Variants in NR3C1 observed in about 807,000 individuals in gnomAD.
NR3C1 encodes the protein nuclear receptor subfamily 3 group C member 1, also known as glucocorticoid receptor.
In NR3C1, 14 loss-of-function variants were observed where a neutral mutation model predicts 74.0. The ratio of observed to expected loss-of-function variants is 0.19; its 90% CI spans 0.12 to 0.30. NR3C1 has a LOEUF of 0.30. NR3C1 is among the 10% of genes least tolerant of loss of function. The probability of loss-of-function intolerance (pLI) is 1.00; values close to 1 mark genes in which losing one functional copy is unlikely to be tolerated. For synonymous variants in NR3C1, 308 were observed against 332.5 expected (o/e 0.93, Z 0.80); for missense variants, 695 against 909.8 (o/e 0.76, Z 3.04).
rs1840032357 is a variant in NR3C1 at position 143,400,340 on chromosome 5, T to C, written c.500A>G (p.Gln167Arg). The change falls in exon 2 of 9, where the codon CAG (glutamine) becomes CGG (arginine). Residue 167 changes from glutamine (Q) to arginine (R), a missense_variant. By Grantham distance (43) the Gln-to-Arg change is conservative (BLOSUM62 1). Transcript: ENST00000394464. ...GCCAGTCTGGCCCTTCAAATGTTGC[T>C]GTTCTGAAGATACATCAGAGTGAGT... is the stretch of plus-strand genomic sequence containing the variant. ...PKTHSDVSSE[Q>R]QHLKGQTGTN... is the part of the protein sequence containing the mutation. The C allele has an allele frequency of 6.2e-7, 1 of 1,613,698 alleles. No homozygotes were observed. The highest frequency in any genetic ancestry group is 8.5e-7 in the Non-Finnish European group (1 of 1,179,738).
rs1445952313 is a variant in NR3C1 at position 143,281,998 on chromosome 5, T to A, written c.2225A>T (p.Asp742Val). The change falls in exon 9 of 9, where the codon GAT becomes GTT. Residue 742 changes from aspartate to valine, a missense_variant. Asp to Val is a radical substitution (Grantham distance 152). This residue lies in a region of NR3C1 where 133 missense variants were observed against 287.9 expected (regional missense o/e 0.46). Transcript: ENST00000394464. ...LLNYCFQTFL[D>V]KTMSIEFPEM... ...GGGGAATTCAATACTCATGGTCTTATCCAAAAATGTTTGGAAGCAATAGTT... is the reference window on the plus strand; with the variant it reads ...GGGGAATTCAATACTCATGGTCTTAACCAAAAATGTTTGGAAGCAATAGTT... The A allele has an allele frequency of 6.2e-7, 1 of 1,613,712 alleles. No homozygotes were observed. Among genetic ancestry groups the A allele is most frequent in the Non-Finnish European group, 8.5e-7 (1 of 1,179,790 alleles).
chr5:143,308,020 T>C (rs1461438113), intron 4 of NR3C1, among the ~76,000 whole-genome samples: 1 of 152,200 alleles, frequency 6.6e-6, no homozygotes, highest in Non-Finnish European at 1.5e-5. Context: ...TAAGTTTAAA[T>C]AGCCTGGTCA....
In NR3C1 at chr5:143,300,763, G is replaced by C; in HGVS notation, c.1469C>G (p.Ala490Gly). Residue 490 changes from alanine to glycine, a missense_variant and splice_region_variant, in exon 5 of 9, where the codon GCT becomes GGT. Transcript: ENST00000394464. The surrounding 1 kb of genome is among the most constrained non-coding windows in gnomAD (Gnocchi z 5.2). The stretch of plus-strand genomic sequence containing the variant: ...TTTTATTTTTTTCTTTGTTTTTCGA[G>C]CTGTGGGTATTTAAACAAATACATA... ...KCLQAGMNLE[A>G]RKTKKKIKGI... 1.2e-6 allele frequency: 2 copies of C among 1,613,322 alleles called. No individual in the cohort carries two copies. Among genetic ancestry groups the C allele is most frequent in the Non-Finnish European group, 1.7e-6 (2 of 1,179,630 alleles).
rs139923658 is a variant in NR3C1, at chr5:143,344,524, G to A, written c.1185-30356C>T. Among the ~76,000 whole-genome samples, 243 of 152,222 alleles carry A rather than the reference G, an allele frequency of 1.6e-3. 1 individual carries two copies. The highest frequency in any genetic ancestry group is 5.7e-3 in the African/African-American group (237 of 41,536). On this transcript the variant is annotated intron_variant, in intron 2 of 8. Transcript: ENST00000394464. ...TCACACAACTAGAAAATAGCCATAC[G>A]GCAGGTCTTTGAATAATGTTTTGTT... is the stretch of plus-strand genomic sequence containing the variant.
At chr5:143,432,273 G>A (rs969128838) in intron 1 of NR3C1, among the ~76,000 whole-genome samples, 1 of 152,210 alleles carries the variant, frequency 6.6e-6, no homozygotes, top group Non-Finnish European at 1.5e-5. Flanking sequence ...TAATGCGCTA[G>A]GTTAAAAGTG....
chr5:143,340,847 TGGG>T (rs1173947725), intron 2 of NR3C1, among the ~76,000 whole-genome samples: 1 of 152,134 alleles, frequency 6.6e-6, no homozygotes, highest in African/African-American at 2.4e-5. Context: ...CTTTTAGGCT[TGGG>T]GATACATGTG....
intron 2 of NR3C1, among the ~76,000 whole-genome samples, chr5:143,327,749 A>T (rs1031256989): frequency 2.0e-5 from 3 of 152,224 alleles, no homozygotes; most frequent in African/African-American, 7.2e-5. Flanking sequence ...CTTTGACTCC[A>T]TGTCTCACAT....
chr5:143,400,046 AAAACC>A lies in NR3C1; in HGVS notation c.789_793del (p.Leu265LysfsTer4). 1 of 1,614,098 alleles carries A rather than the reference AAAACC, an allele frequency of 6.2e-7. No homozygotes were observed. The highest frequency in any genetic ancestry group is 8.5e-7 in the Non-Finnish European group (1 of 1,180,048). ...CAGTGTTACATTACTGGGGCTTGAC[AAAACC>A]AGATCTCCATTATCCTTAATTTTGG... On this transcript the variant is annotated frameshift_variant, in exon 2 of 9. Coordinates refer to ENST00000394464, the MANE Select transcript of NR3C1 (RefSeq NM_000176.3). LOFTEE classifies it high-confidence loss of function.
chr5:143,362,906 C>G (rs539974313), intron 2 of NR3C1, among the ~76,000 whole-genome samples: 1 of 152,160 alleles, frequency 6.6e-6, no homozygotes, highest in African/African-American at 2.4e-5. Flanking sequence ...TCTGTAAGGG[C>G]TTTGAAAGGG....
chr5:143,333,339 A>C lies in NR3C1; in HGVS notation c.1185-19171T>G, dbSNP rs1826400075. The C allele has an allele frequency of 4.6e-6, 3 of 658,478 alleles. No homozygotes were observed. In the Admixed American group the frequency reaches 7.1e-5, roughly 15 times the overall value. The allele number at this position is 658,478 out of a possible 1,614,324, so 40.8% of individuals were successfully genotyped here. A position where few individuals can be genotyped will look rare whatever the true frequency, so the allele number is the denominator to read the frequency against. The stretch of plus-strand genomic sequence containing the variant: ...CTTTTTGCATTTACTAGTATTTAAG[A>C]GTAACCTTGAGATTGGGAGGAAAGA... On this transcript the variant is annotated intron_variant, in intron 2 of 8. Transcript: ENST00000394464.
intron 2 of NR3C1, among the ~76,000 whole-genome samples, chr5:143,336,837 C>T (rs995036920): frequency 1.1e-4 from 16 of 151,430 alleles, no homozygotes; most frequent in Admixed American, 5.9e-4. Context: ...CAAAAATTAG[C>T]GGGTATGGTG....
chr5:143,362,095 A>T (rs1219965517), intron 2 of NR3C1, among the ~76,000 whole-genome samples: 2 of 152,210 alleles, frequency 1.3e-5, no homozygotes, highest in African/African-American at 2.4e-5. Flanking sequence ...AAAGCAAATA[A>T]AAAGGGCAAA....
intron 2 of NR3C1, among the ~76,000 whole-genome samples, chr5:143,333,753 C>T (rs556243446): frequency 6.6e-6 from 1 of 151,898 alleles, no homozygotes; most frequent in Non-Finnish European, 1.5e-5. Context: ...GGCGACAGAG[C>T]GAGACTCCAT....
At chr5:143,310,806 C>A (rs900471157) in intron 3 of NR3C1, among the ~76,000 whole-genome samples, 1 of 151,966 alleles carries the variant, frequency 6.6e-6, no homozygotes, top group Non-Finnish European at 1.5e-5. Flanking sequence ...TACAGGTGCA[C>A]GCCACCACGC....
chr5:143,352,627 G>T (rs1391151584), intron 2 of NR3C1, among the ~76,000 whole-genome samples: 1 of 152,090 alleles, frequency 6.6e-6, no homozygotes, highest in East Asian at 1.9e-4. Context: ...CAAGTCAGAC[G>T]AATTTTTTGG....
At chr5:143,382,784 C>T (rs1400208830) in intron 2 of NR3C1, among the ~76,000 whole-genome samples, 1 of 152,188 alleles carries the variant, frequency 6.6e-6, no homozygotes, top group Non-Finnish European at 1.5e-5. Flanking sequence ...CATACTTCTT[C>T]GTGGTTTGTG....
chr5:143,326,682 T>C (rs1025507678), intron 2 of NR3C1, among the ~76,000 whole-genome samples: 15 of 152,198 alleles, frequency 9.9e-5, no homozygotes, highest in Admixed American at 9.8e-4. Flanking sequence ...TTCTGAAATA[T>C]ACTGTCCCAC....
intron 6 of NR3C1, among the ~76,000 whole-genome samples, chr5:143,297,188 T>G (rs1817494132): frequency 6.6e-6 from 1 of 150,620 alleles, no homozygotes; most frequent in Non-Finnish European, 1.5e-5. Context: ...AAAATGAAAC[T>G]AATGTAAATC....
intron 2 of NR3C1, among the ~76,000 whole-genome samples, chr5:143,382,161 T>C (rs1417402657): frequency 6.6e-6 from 1 of 152,084 alleles, no homozygotes; most frequent in African/African-American, 2.4e-5. Context: ...TATGAAGAAA[T>C]GTTCAACATC....
Sources: gnomAD v4.1 joint callset for allele counts (sites outside exome capture counted in the v4.1 genomes callset) on GRCh38, gnomAD v4.1.1 for gene constraint, gnomAD v4.1.1 regional missense constraint, Gnocchi (gnomAD v3.1) non-coding constraint, MANE v1.5 for transcripts, NCBI Gene and HGNC (gene_info 2026-07-23, HGNC 2026-07-21) for gene names.